BCL2L1: variants seen among roughly 807,000 people sequenced by gnomAD.
BCL2L1 encodes the protein bcl-2-like protein 1.
In BCL2L1, 1 loss-of-function variant was observed where a neutral mutation model predicts 18.7. That is an observed-to-expected ratio of 0.05 (90% CI 0.02 to 0.25). The LOEUF is 0.25. Ranked by LOEUF, BCL2L1 falls within the 10% of genes least tolerant of loss-of-function variation. The pLI is 1.00. For synonymous variants in BCL2L1, 103 were observed against 122.7 expected (o/e 0.84, Z 1.06); for missense variants, 207 against 304.9 (o/e 0.68, Z 2.39).
At chr20:31,686,061 C>T (rs138597676) in intron 2 of BCL2L1, among the ~76,000 whole-genome samples, 75 of 152,326 alleles carry the variant, frequency 4.9e-4, no homozygotes, top group Non-Finnish European at 7.2e-4. Context: ...AAAATTAACA[C>T]GTTCCAAGAG....
chr20:31,680,504 CCTCT>C (rs1326750816), intron 2 of BCL2L1, among the ~76,000 whole-genome samples: 4 of 152,122 alleles, frequency 2.6e-5, no homozygotes, highest in African/African-American at 9.7e-5. Context: ...AGAGTTCCTC[CCTCT>C]GTCTGATCTT....
At chr20:31,681,735 T>C (rs1003187273) in intron 2 of BCL2L1, among the ~76,000 whole-genome samples, 7 of 152,248 alleles carry the variant, frequency 4.6e-5, no homozygotes, top group African/African-American at 1.7e-4. Context: ...TGGCCCTCTG[T>C]TTCCCATCTA....
intron 2 of BCL2L1, among the ~76,000 whole-genome samples, chr20:31,687,049 G>A (rs750968108): frequency 2.6e-5 from 4 of 152,330 alleles, no homozygotes; most frequent in Non-Finnish European, 4.4e-5. Flanking sequence ...CGAGTCTGGT[G>A]GCTCACACCT....
intron 2 of BCL2L1, among the ~76,000 whole-genome samples, chr20:31,669,593 C>T (rs1298071701): frequency 1.3e-5 from 2 of 151,938 alleles, no homozygotes; most frequent in Admixed American, 1.3e-4. Flanking sequence ...GCGCCTGCCA[C>T]CACGCCTAGC....
At chr20:31,683,769 CAAAAAAAAAAAAAA>C (rs372160646) in intron 2 of BCL2L1, among the ~76,000 whole-genome samples, 7 of 80,716 alleles carry the variant, frequency 8.7e-5, no homozygotes, top group Admixed American at 1.7e-4. Context: ...AACTCCATCT[CAAAAAAAAAAAAAA>C]AAAAAAAAAA....
At position 31,713,452 on chromosome 20, in the gene BCL2L1, G is replaced by A. The variant is rs1039400086; in HGVS notation, c.564+8203C>T. On this transcript the variant is annotated intron_variant, in intron 2 of 2. Coordinates refer to ENST00000307677, the MANE Select transcript of BCL2L1 (RefSeq NM_138578.3). ...CAGTTTCCACACTCTTGCCGGCAGG[G>A]CTGGGACAGGAAGCAGTCCATGGAA... is the stretch of plus-strand genomic sequence containing the variant. 4.1e-6 allele frequency: 4 copies of A among 985,236 alleles called. No individual in the cohort carries two copies. The African/African-American group carries it at 7.0e-5, about 17-fold the overall frequency. The allele number at this position is 985,236 out of a possible 1,614,324, so 61.0% of individuals were successfully genotyped here.
chr20:31,688,888 A>G (rs2061008028), intron 2 of BCL2L1, among the ~76,000 whole-genome samples: 1 of 152,170 alleles, frequency 6.6e-6, no homozygotes, highest in Admixed American at 6.5e-5. Flanking sequence ...AAGAGATACA[A>G]CTTTGATATT....
Position 31,665,922 on chromosome 20 carries a change from A to G in BCL2L1, c.*27T>C, listed in dbSNP as rs753539518. The G allele has an allele frequency of 1.2e-4, 197 of 1,608,576 alleles. No individual in the cohort carries two copies. Among genetic ancestry groups the G allele is most frequent in the Non-Finnish European group, 1.6e-4 (189 of 1,177,446 alleles). On this transcript the variant is annotated 3_prime_UTR_variant, in exon 3 of 3. Coordinates refer to ENST00000307677, the MANE Select transcript of BCL2L1 (RefSeq NM_138578.3). ...GTGGTGGAGCAGAGAAGGGGGTGGG[A>G]GGGTAGAGTGGATGGTCAGTGTCTG...
chr20:31,708,376 CT>C lies in BCL2L1; in HGVS notation c.564+13278del, dbSNP rs141833551. ...GTGTATGTCATTCACATGGAACCCC[CT>C]TGGGGAAATGCCAAGGTACCTTTTG... is the stretch of plus-strand genomic sequence containing the variant. On this transcript the variant is annotated intron_variant, in intron 2 of 2. Coordinates refer to ENST00000307677, the MANE Select transcript of BCL2L1 (RefSeq NM_138578.3). Among the ~76,000 whole-genome samples, 653 of 152,328 alleles carry C rather than the reference CT, an allele frequency of 4.3e-3. 2 individuals carry two copies. Among genetic ancestry groups the C allele is most frequent in the African/African-American group, 0.015 (628 of 41,574 alleles).
Position 31,721,963 on chromosome 20 carries a change from C to T in BCL2L1, c.256G>A (p.Val86Ile), listed in dbSNP as rs1304898407. ...CCTGCCTCCCTCAGCGCTTGCTTTA[C>T]TGCTGCCATGGGGATCACCTCCCGG... ...DAREVIPMAA[V>I]KQALREAGDE... Residue 86 changes from valine to isoleucine, a missense_variant, in exon 2 of 3, where the codon GTA becomes ATA. Val to Ile is a conservative substitution (Grantham distance 29, BLOSUM62 3). Coordinates refer to ENST00000307677, the MANE Select transcript of BCL2L1 (RefSeq NM_138578.3). 1.2e-6 allele frequency: 2 copies of T among 1,614,202 alleles called. No homozygotes were observed. The highest frequency in any genetic ancestry group is 1.1e-5 in the South Asian group (1 of 91,084).
At chr20:31,700,357 A>G (rs899830006) in intron 2 of BCL2L1, among the ~76,000 whole-genome samples, 2 of 152,178 alleles carry the variant, frequency 1.3e-5, no homozygotes, top group Admixed American at 1.3e-4. Flanking sequence ...GCCACCTGGG[A>G]ATCAGCAGCC....
chr20:31,691,042 A>C (rs1410577578), intron 2 of BCL2L1, among the ~76,000 whole-genome samples: 2 of 149,452 alleles, frequency 1.3e-5, no homozygotes, highest in Admixed American at 1.3e-4. Flanking sequence ...ATCCCAGCTA[A>C]CTTGGGAGGC....
chr20:31,677,973 T>A (rs1277106119), intron 2 of BCL2L1, among the ~76,000 whole-genome samples: 1 of 152,162 alleles, frequency 6.6e-6, no homozygotes, highest in Non-Finnish European at 1.5e-5. Context: ...ATCCCTTTCC[T>A]CACTGCCTGG....
At chr20:31,690,518 C>T (rs1166440329) in intron 2 of BCL2L1, among the ~76,000 whole-genome samples, 1 of 152,100 alleles carries the variant, frequency 6.6e-6, no homozygotes, top group Non-Finnish European at 1.5e-5. Flanking sequence ...TCCCCAACCA[C>T]TATCTCTCAC....
chr20:31,682,010 CCA>C (rs2060872296), intron 2 of BCL2L1, among the ~76,000 whole-genome samples: 1 of 152,170 alleles, frequency 6.6e-6, no homozygotes, highest in South Asian at 2.1e-4. Flanking sequence ...ATATGCCAGG[CCA>C]CAGAGTAGAC....
At chr20:31,670,905 C>T (rs1176415243) in intron 2 of BCL2L1, among the ~76,000 whole-genome samples, 1 of 152,126 alleles carries the variant, frequency 6.6e-6, no homozygotes, top group Non-Finnish European at 1.5e-5. Context: ...CAGAGCAGCC[C>T]TGGTCTGGAA....
At chr20:31,691,630 A>C (rs1310716024) in intron 2 of BCL2L1, among the ~76,000 whole-genome samples, 1 of 152,184 alleles carries the variant, frequency 6.6e-6, no homozygotes, top group African/African-American at 2.4e-5. Context: ...AGGCTGAGGC[A>C]GAAGAACTGA....
At chr20:31,676,919 C>T (rs949900795) in intron 2 of BCL2L1, among the ~76,000 whole-genome samples, 2 of 152,182 alleles carry the variant, frequency 1.3e-5, no homozygotes, top group Non-Finnish European at 2.9e-5. Flanking sequence ...AGCTGATGCT[C>T]GTCTCCCTCT....
At position 31,722,141 on chromosome 20, in the gene BCL2L1, C is replaced by G; in HGVS notation, c.78G>C (p.Gln26His). The change falls in exon 2 of 3, where the codon CAG (glutamine) becomes CAC (histidine). Residue 26 changes from glutamine (Q) to histidine (H), a missense_variant. Transcript: ENST00000307677. Reference sequence around the variant, plus strand: ...TCCTGTTCTCTTCCACATCACTAAACTGACTCCAGCTGTATCCTTTCTGGG... The same window carrying G: ...TCCTGTTCTCTTCCACATCACTAAAGTGACTCCAGCTGTATCCTTTCTGGG... ...KLSQKGYSWS[Q>H]FSDVEENRTE... 4 of 1,515,466 alleles carry G rather than the reference C, an allele frequency of 2.6e-6. No individual in the cohort carries two copies. Among genetic ancestry groups the G allele is most frequent in the Non-Finnish European group, 2.6e-6 (3 of 1,136,648 alleles). 93.9% of individuals were successfully genotyped at this position (1,515,466 alleles called of 1,614,324 possible).
Sources: allele counts gnomAD v4.1 joint callset (sites outside exome capture counted in the v4.1 genomes callset), GRCh38; gene constraint gnomAD v4.1.1; transcripts MANE v1.5; gene names NCBI Gene and HGNC (gene_info 2026-07-23, HGNC 2026-07-21).